Variants in PCDHA5 observed in about 807,000 individuals in gnomAD.
PCDHA5 encodes the protein protocadherin alpha-5.
Under a neutral mutation model 61.6 loss-of-function variants are expected in PCDHA5, and 43 were observed. The observed-to-expected ratio is 0.70, with a 90% CI of 0.55 to 0.90. PCDHA5 has a LOEUF of 0.90. Ranked by LOEUF, PCDHA5 falls within the 40% of genes least tolerant of loss-of-function variation. The probability of loss-of-function intolerance (pLI) is 0.00; values close to 1 mark genes in which losing one functional copy is unlikely to be tolerated. For synonymous variants in PCDHA5, 627 were observed against 543.9 expected (o/e 1.15, Z -2.13); for missense variants, 1,298 against 1,222.7 (o/e 1.06, Z -0.92).
intron 1 of PCDHA5, chr5:140,848,707 G>A (rs782550579): frequency 2.5e-6 from 4 of 1,592,422 alleles, no homozygotes; most frequent in East Asian, 2.2e-5. Context: ...TCCAAAGGCC[G>A]CGGGGACCTT....
chr5:140,952,948 A>AG (rs1177459807), intron 1 of PCDHA5, among the ~76,000 whole-genome samples: 39 of 152,028 alleles, frequency 2.6e-4, no homozygotes, highest in African/African-American at 8.5e-4. Context: ...GAGAGAGAGA[A>AG]GGGGGAAGTG....
chr5:140,871,011 G>C, intron 1 of PCDHA5: 1 of 1,613,324 alleles, frequency 6.2e-7, no homozygotes, highest in Non-Finnish European at 8.5e-7. Context: ...CGCGTGCCCT[G>C]GACGAGGCAG....
At chr5:141,006,689 G>C (rs1249412460) in intron 3 of PCDHA5, among the ~76,000 whole-genome samples, 3 of 152,072 alleles carry the variant, frequency 2.0e-5, no homozygotes, top group African/African-American at 7.2e-5. Flanking sequence ...TGGGAGAAGA[G>C]GACAGAGTCA....
At chr5:140,902,043 G>A (rs1294111308) in intron 1 of PCDHA5, among the ~76,000 whole-genome samples, 2 of 151,980 alleles carry the variant, frequency 1.3e-5, no homozygotes, top group Non-Finnish European at 2.9e-5. Flanking sequence ...TTTGTATGTT[G>A]ATTTTGTATC....
rs781919488 is a variant in PCDHA5 at position 141,010,129 on chromosome 5, G to T, written c.*192G>T. 1 of 1,601,910 alleles carries T rather than the reference G, an allele frequency of 6.2e-7. No individual in the cohort carries two copies. Among genetic ancestry groups the T allele is most frequent in the East Asian group, 2.2e-5 (1 of 44,578 alleles). ...TGTCGTAAAAGCTTTACTAAGTCTGGTGTTAACTCTTTCTCTCCACTCTGG... is the reference window on the plus strand; with the variant it reads ...TGTCGTAAAAGCTTTACTAAGTCTGTTGTTAACTCTTTCTCTCCACTCTGG... On this transcript the variant is annotated 3_prime_UTR_variant, in exon 4 of 4. Transcript: ENST00000529859.
At chr5:140,890,718 T>A (rs2062769103) in intron 1 of PCDHA5, among the ~76,000 whole-genome samples, 1 of 152,212 alleles carries the variant, frequency 6.6e-6, no homozygotes, top group Non-Finnish European at 1.5e-5. Context: ...AAAATCTTTT[T>A]AATCCCTTTT....
intron 1 of PCDHA5, among the ~76,000 whole-genome samples, chr5:140,898,431 A>G (rs1482364069): frequency 6.6e-6 from 1 of 152,182 alleles, no homozygotes; most frequent in East Asian, 1.9e-4. Context: ...TCCCAGCACC[A>G]TTTATTAAAT....
chr5:140,842,608 C>T lies in PCDHA5; in HGVS notation c.2352+18481C>T, dbSNP rs1251086188. On this transcript the variant is annotated intron_variant, in intron 1 of 3. Coordinates refer to ENST00000529859, the MANE Select transcript of PCDHA5 (RefSeq NM_018908.3). ...ATGAGTTGGTGGTAACCGCGCGGGA[C>T]GGGGGCTCGCCTTCGCTGTGGGCCA... The T allele has an allele frequency of 3.9e-6, 6 of 1,557,100 alleles. No homozygotes were observed. The African/African-American group carries it at 4.3e-5, about 11-fold the overall frequency.
chr5:140,891,345 G>T (rs2063056241), intron 1 of PCDHA5, among the ~76,000 whole-genome samples: 1 of 151,958 alleles, frequency 6.6e-6, no homozygotes, highest in Admixed American at 6.6e-5. Context: ...AGATTTTGGT[G>T]CATCCATCAC....
rs185914290 is a variant in PCDHA5, at chr5:140,920,039, G to C, written c.2353-58910G>C. ...AGATGGAGACAGAGATTGGAGTGAT[G>C]TCAACAGCCACCAACACCTGGAAAA... On this transcript the variant is annotated intron_variant, in intron 1 of 3. Transcript: ENST00000529859. Among the ~76,000 whole-genome samples, 5 of 152,280 alleles carry C rather than the reference G, an allele frequency of 3.3e-5. No homozygotes were observed. In the South Asian group the frequency reaches 1.0e-3, roughly 32 times the overall value.
intron 1 of PCDHA5, among the ~76,000 whole-genome samples, chr5:140,921,809 C>CA (rs1184598188): frequency 6.6e-6 from 1 of 151,940 alleles, no homozygotes; most frequent in Non-Finnish European, 1.5e-5. Context: ...AGATAAGATA[C>CA]ATGTGTGAAT....
chr5:140,936,831 A>T lies in PCDHA5; in HGVS notation c.2353-42118A>T, dbSNP rs142448727. 3.1e-3 allele frequency among the ~76,000 whole-genome samples: 478 copies of T among 152,252 alleles called. 2 individuals are homozygous for T. Among genetic ancestry groups the T allele is most frequent in the African/African-American group, 0.011 (455 of 41,554 alleles). Reference sequence around the variant, plus strand: ...GCTATTTTTGGCCCTTTGCATTTCTATATAAATTGTAGATTCAGCTTCTCA... The same window carrying T: ...GCTATTTTTGGCCCTTTGCATTTCTTTATAAATTGTAGATTCAGCTTCTCA... On this transcript the variant is annotated intron_variant, in intron 1 of 3. Transcript: ENST00000529859.
At chr5:140,843,113 G>C (rs1234618172) in intron 1 of PCDHA5, 1 of 1,595,750 alleles carries the variant, frequency 6.3e-7, no homozygotes, top group African/African-American at 1.3e-5. Flanking sequence ...GCGCGCAGTG[G>C]ACGCCGACTC....
At chr5:140,920,011 C>T (rs782647025) in intron 1 of PCDHA5, among the ~76,000 whole-genome samples, 2 of 152,088 alleles carry the variant, frequency 1.3e-5, no homozygotes, top group Non-Finnish European at 2.9e-5. Context: ...AAAGGCCATG[C>T]GAAGATGGAG....
chr5:140,821,837 C>A lies in PCDHA5; in HGVS notation c.62C>A (p.Ala21Asp). ...CTCCTGCTGCTCTGGCTTCTCCTTG[C>A]CTACTGGAAGGCAGGGAGCGGCCAG... The part of the protein sequence containing the change: ...SRLLLLWLLL[A>D]YWKAGSGQLH... The change falls in exon 1 of 4, where the codon GCC (alanine) becomes GAC (aspartate). Residue 21 changes from alanine (A) to aspartate (D), a missense_variant. Coordinates refer to ENST00000529859, the MANE Select transcript of PCDHA5 (RefSeq NM_018908.3). 3 of 1,614,154 alleles carry A rather than the reference C, an allele frequency of 1.9e-6. No homozygotes were observed. Among genetic ancestry groups the A allele is most frequent in the Non-Finnish European group, 8.5e-7 (1 of 1,180,010 alleles).
chr5:140,830,372 G>GGGGAGGGCCCACC, intron 1 of PCDHA5: 1 of 1,614,136 alleles, frequency 6.2e-7, no homozygotes, highest in Non-Finnish European at 8.5e-7. Context: ...GGTGTGCTCC[G>GGGGAGGGCCCACC]GGGAGGGCCC....
At chr5:140,948,395 T>C (rs1317288202) in intron 1 of PCDHA5, among the ~76,000 whole-genome samples, 1 of 151,580 alleles carries the variant, frequency 6.6e-6, no homozygotes, top group African/African-American at 2.4e-5. Context: ...TTCTGAAAGG[T>C]TGTGTAATAT....
rs1554263082 is a variant in PCDHA5 at position 141,010,709 on chromosome 5, TG to T, written c.*773del. 2 of 154,830 alleles carry T rather than the reference TG, an allele frequency of 1.3e-5. No individual in the cohort carries two copies. Among genetic ancestry groups the T allele is most frequent in the African/African-American group, 2.4e-5 (1 of 41,516 alleles). The allele number at this position is 154,830 out of a possible 1,614,324, so 9.6% of individuals were successfully genotyped here. On this transcript the variant is annotated 3_prime_UTR_variant, in exon 4 of 4. Transcript: ENST00000529859. Reference sequence around the variant, plus strand: ...TCTGATGTGTTTCCTATACATGTCCTGTGCTCACTTTATTAAAAATTCTTTT... The same window carrying T: ...TCTGATGTGTTTCCTATACATGTCCTTGCTCACTTTATTAAAAATTCTTTT...
Position 140,836,095 on chromosome 5 carries a change from G to A in PCDHA5, c.2352+11968G>A, listed in dbSNP as rs2150252666. ...CCGGCACTGCTGGCGCCTCGGGTGG[G>A]TGGCACTGGTGGCGCAGTGAGAGAG... On this transcript the variant is annotated intron_variant, in intron 1 of 3. Transcript: ENST00000529859. 1.9e-5 allele frequency: 30 copies of A among 1,613,576 alleles called. 1 individual carries two copies. The highest frequency in any genetic ancestry group is 3.3e-4 in the Middle Eastern group (2 of 6,084).
Sources: allele counts gnomAD v4.1 joint callset (sites outside exome capture counted in the v4.1 genomes callset), GRCh38; gene constraint gnomAD v4.1.1; transcripts MANE v1.5; gene names NCBI Gene and HGNC (gene_info 2026-07-23, HGNC 2026-07-21).